The following GIMAP4 variants were observed in gnomAD, a reference collection of about 807,000 sequenced individuals.
The protein encoded by GIMAP4 is GTPase, IMAP family member 4.
A neutral mutation model predicts 10.8 loss-of-function variants in GIMAP4; 12 were observed. That is an observed-to-expected ratio of 1.11 (90% CI 0.71 to 1.81). GIMAP4 has a LOEUF of 1.81. GIMAP4 is among the 40% of genes most tolerant of loss of function. The probability of loss-of-function intolerance (pLI) is 0.00; values close to 1 mark genes in which losing one functional copy is unlikely to be tolerated. For synonymous variants in GIMAP4, 149 were observed against 147.2 expected (o/e 1.01, Z -0.09); for missense variants, 412 against 404.6 (o/e 1.02, Z -0.16).
rs1435404691 is a variant in GIMAP4 at position 150,573,331 on chromosome 7, GA to G, written c.*272del. The G allele has an allele frequency of 6.3e-6, 2 of 316,938 alleles. No homozygotes were observed. The highest frequency in any genetic ancestry group is 4.3e-5 in the African/African-American group (2 of 46,186). 19.6% of individuals were successfully genotyped at this position (316,938 alleles called of 1,614,324 possible). ...GAAAATGTATGCAAGAGACCAAAAA[GA>G]TGGCTCCAAGCTATGTCATGTTACC... On this transcript the variant is annotated 3_prime_UTR_variant, in exon 3 of 3. Coordinates refer to ENST00000255945, the MANE Select transcript of GIMAP4 (RefSeq NM_018326.3).
Position 150,570,369 on chromosome 7 carries a change from C to T in GIMAP4, c.58+410C>T, listed in dbSNP as rs201073442. On this transcript the variant is annotated intron_variant, in intron 2 of 2. Transcript: ENST00000255945. Reference sequence around the variant, plus strand: ...GAGGAATGTGGGAGTAATTGTCCCTCACCCTGGTATCTAATTTCCCAGCTC... The same window carrying T: ...GAGGAATGTGGGAGTAATTGTCCCTTACCCTGGTATCTAATTTCCCAGCTC... 4.7e-4 allele frequency among the ~76,000 whole-genome samples: 72 copies of T among 152,270 alleles called. No individual in the cohort carries two copies. The East Asian group carries it at 0.012, about 24-fold the overall frequency.
rs1795764125 is a variant in GIMAP4 at position 150,573,556 on chromosome 7, G to A, written c.*496G>A. The stretch of plus-strand genomic sequence containing the variant: ...ATTGTAGAATTATTCCTAGATGAGT[G>A]TCAATTTATTTAATTCCATTGTCAT... On this transcript the variant is annotated 3_prime_UTR_variant, in exon 3 of 3. Transcript: ENST00000255945. The A allele has an allele frequency of 6.5e-6, 1 of 152,812 alleles. No homozygotes were observed. Among genetic ancestry groups the A allele is most frequent in the Non-Finnish European group, 1.5e-5 (1 of 68,536 alleles). 9.5% of individuals were successfully genotyped at this position (152,812 alleles called of 1,614,324 possible).
chr7:150,572,175 A>G lies in GIMAP4; in HGVS notation c.105A>G (p.Leu35=). 6.2e-7 allele frequency: 1 copy of G among 1,613,880 alleles called. No individual in the cohort carries two copies. Among genetic ancestry groups the G allele is most frequent in the East Asian group, 2.2e-5 (1 of 44,874 alleles). ...EPRNSQLRIV[L]VGKTGAGKSA... Reference sequence around the variant, plus strand: ...GAAATTCCCAATTGAGAATTGTGTTAGTGGGTAAAACCGGAGCAGGAAAAA... The same window carrying G: ...GAAATTCCCAATTGAGAATTGTGTTGGTGGGTAAAACCGGAGCAGGAAAAA... The change falls in exon 3 of 3, where the codon TTA becomes TTG. Residue 35 remains leucine, a synonymous_variant. Coordinates refer to ENST00000255945, the MANE Select transcript of GIMAP4 (RefSeq NM_018326.3).
chr7:150,571,503 G>A (rs796302139), intron 2 of GIMAP4, among the ~76,000 whole-genome samples: 2 of 152,174 alleles, frequency 1.3e-5, no homozygotes, highest in African/African-American at 2.4e-5. Flanking sequence ...ACAGCTGGCC[G>A]GGTGCAGTGG....
At chr7:150,569,481 G>T (rs1425072900) in intron 1 of GIMAP4, among the ~76,000 whole-genome samples, 3 of 152,132 alleles carry the variant, frequency 2.0e-5, no homozygotes, top group Admixed American at 2.0e-4. Flanking sequence ...CTTAATTTCG[G>T]CCAGGTTCTG....
rs1795754111 is a variant in GIMAP4, at chr7:150,572,948, G to C, written c.878G>C (p.Arg293Thr). The stretch of plus-strand genomic sequence containing the variant: ...GAACAGGAGGCTCACTATGCTGTAA[G>C]GCAGCAAAGGGCAAGAACGGAAGTG... Reference protein sequence around the residue: ...LAEQEAHYAVRQQRARTEVES... With the variant: ...LAEQEAHYAVTQQRARTEVES... Residue 293 changes from arginine to threonine, a missense_variant, in exon 3 of 3, where the codon AGG becomes ACG. Transcript: ENST00000255945. 6.2e-7 allele frequency: 1 copy of C among 1,613,380 alleles called. No homozygotes were observed. The highest frequency in any genetic ancestry group is 8.5e-7 in the Non-Finnish European group (1 of 1,179,396).
rs776586372 is a variant in GIMAP4, at chr7:150,572,844, G to T, written c.774G>T (p.Glu258Asp). ...GAGAGAAAGCGCGGATAAGAGAGGAGTATGAAGAGAAAATCAGAAAGCTGG... is the reference window on the plus strand; with the variant it reads ...GAGAGAAAGCGCGGATAAGAGAGGATTATGAAGAGAAAATCAGAAAGCTGG... The part of the protein sequence containing the change: ...LEREKARIRE[E>D]YEEKIRKLED... The change falls in exon 3 of 3, where the codon GAG becomes GAT. Residue 258 changes from glutamate (E) to aspartate (D), a missense_variant. Physicochemically the swap from Glu to Asp is conservative, Grantham distance 45 (BLOSUM62 2). Transcript: ENST00000255945. The T allele has an allele frequency of 6.8e-6, 11 of 1,613,532 alleles. No homozygotes were observed. Among genetic ancestry groups the T allele is most frequent in the Non-Finnish European group, 9.3e-6 (11 of 1,179,776 alleles).
In GIMAP4 at chr7:150,572,815, G is replaced by A; in HGVS notation, c.745G>A (p.Glu249Lys). Residue 249 changes from glutamate to lysine, a missense_variant, in exon 3 of 3, where the codon GAG becomes AAG. Physicochemically the swap from Glu to Lys is moderately conservative, Grantham distance 56 (BLOSUM62 1). Transcript: ENST00000255945. ...GCAAGAACTCCACAGAGTGGAGCTGGAGAGAGAGAAAGCGCGGATAAGAGA... is the reference window on the plus strand; with the variant it reads ...GCAAGAACTCCACAGAGTGGAGCTGAAGAGAGAGAAAGCGCGGATAAGAGA... ...AMQELHRVEL[E>K]REKARIREEY... 1 of 1,613,908 alleles carries A rather than the reference G, an allele frequency of 6.2e-7. No individual in the cohort carries two copies.
intron 2 of GIMAP4, among the ~76,000 whole-genome samples, chr7:150,571,250 T>C (rs1329203891): frequency 6.6e-6 from 1 of 152,224 alleles, no homozygotes; most frequent in Non-Finnish European, 1.5e-5. Context: ...AGCCTTCCTG[T>C]ATCCAGTGTT....
rs1795750232 is a variant in GIMAP4, at chr7:150,572,734, A to G, written c.664A>G (p.Thr222Ala). The change falls in exon 3 of 3, where the codon ACT becomes GCT. Residue 222 changes from threonine (T) to alanine (A), a missense_variant. By Grantham distance (58) the Thr-to-Ala change is moderately conservative. Coordinates refer to ENST00000255945, the MANE Select transcript of GIMAP4 (RefSeq NM_018326.3). ...GAGGGAGAACAAGGAAGGCTGCTAC[A>G]CTAATAGGATGTACCAAAGGGCGGA... ...VVRENKEGCY[T>A]NRMYQRAEEE... The G allele has an allele frequency of 6.2e-7, 1 of 1,614,238 alleles. No individual in the cohort carries two copies.
chr7:150,572,714 A>T lies in GIMAP4; in HGVS notation c.644A>T (p.Glu215Val), dbSNP rs781431922. 1 of 1,614,232 alleles carries T rather than the reference A, an allele frequency of 6.2e-7. No individual in the cohort carries two copies. Among genetic ancestry groups the T allele is most frequent in the Middle Eastern group, 1.6e-4 (1 of 6,062 alleles). The part of the protein sequence containing the change: ...LLGLIQRVVR[E>V]NKEGCYTNRM... ...GGCCTGATCCAGCGCGTGGTGAGGGAGAACAAGGAAGGCTGCTACACTAAT... is the reference window on the plus strand; with the variant it reads ...GGCCTGATCCAGCGCGTGGTGAGGGTGAACAAGGAAGGCTGCTACACTAAT... Residue 215 changes from glutamate (E) to valine (V), a missense_variant, in exon 3 of 3, where the codon GAG (glutamate) becomes GTG (valine). By Grantham distance (121) the Glu-to-Val change is moderately radical. Transcript: ENST00000255945.
intron 2 of GIMAP4, 58 bp downstream of exon 2, chr7:150,570,017 T>C: frequency 3.9e-6 from 1 of 256,606 alleles, no homozygotes. Context: ...CAGGTGGGGG[T>C]GGGGGATTTG....
intron 1 of GIMAP4, among the ~76,000 whole-genome samples, chr7:150,568,303 C>T (rs189126931): frequency 2.0e-5 from 3 of 152,226 alleles, no homozygotes; most frequent in Admixed American, 2.0e-4. Context: ...CTCTTGTTTA[C>T]AAGAAGCTGT....
chr7:150,572,139 G>A lies in GIMAP4; in HGVS notation c.69G>A (p.Arg23=), dbSNP rs754065054. Residue 23 remains arginine, a synonymous_variant, in exon 3 of 3, where the codon AGG becomes AGA. Coordinates refer to ENST00000255945, the MANE Select transcript of GIMAP4 (RefSeq NM_018326.3). ...STPGASYGPG[R]QEPRNSQLRI... ...TTCTTGATGTCCCAGGGCCTGGAAGGCAAGAGCCCAGAAATTCCCAATTGA... is the reference window on the plus strand; with the variant it reads ...TTCTTGATGTCCCAGGGCCTGGAAGACAAGAGCCCAGAAATTCCCAATTGA... 6.2e-7 allele frequency: 1 copy of A among 1,609,882 alleles called. No individual in the cohort carries two copies. Among genetic ancestry groups the A allele is most frequent in the Non-Finnish European group, 8.5e-7 (1 of 1,176,578 alleles).
At chr7:150,570,006 G>A in intron 2 of GIMAP4, 47 bp downstream of exon 2, 1 of 909,736 alleles carries the variant, frequency 1.1e-6, no homozygotes, top group South Asian at 1.3e-5. Flanking sequence ...AGGGAGGTTA[G>A]CAGGTGGGGG....
chr7:150,572,439 G>T lies in GIMAP4; in HGVS notation c.369G>T (p.Leu123=), dbSNP rs768860924. The T allele has an allele frequency of 1.2e-6, 2 of 1,614,126 alleles. No individual in the cohort carries two copies. The highest frequency in any genetic ancestry group is 1.7e-6 in the Non-Finnish European group (2 of 1,179,970). Residue 123 remains leucine, a synonymous_variant, in exon 3 of 3, where the codon CTG becomes CTT. Coordinates refer to ENST00000255945, the MANE Select transcript of GIMAP4 (RefSeq NM_018326.3). The part of the protein sequence containing the change: ...GPHALLLVVP[L]GRYTEEEHKA... ...ATGCTCTGCTTCTGGTGGTTCCACT[G>T]GGCCGTTACACTGAGGAAGAGCACA...
intron 1 of GIMAP4, 37 bp from the exon 2 acceptor site, chr7:150,569,851 T>C: frequency 2.1e-6 from 2 of 954,946 alleles, no homozygotes; most frequent in Admixed American, 1.7e-5. Context: ...TGCTTCCATT[T>C]CCCTAAAATG....
At chr7:150,570,101 C>A in intron 2 of GIMAP4, 142 bp downstream of exon 2, 1 of 658,410 alleles carries the variant, frequency 1.5e-6, no homozygotes, top group Non-Finnish European at 2.7e-6. Context: ...TATTTCCAAC[C>A]TCTTTTCTCA....
At position 150,573,306 on chromosome 7, in the gene GIMAP4, G is replaced by A. The variant is rs566256780; in HGVS notation, c.*246G>A. The A allele has an allele frequency of 7.6e-6, 3 of 392,842 alleles. No homozygotes were observed. Among genetic ancestry groups the A allele is most frequent in the African/African-American group, 6.2e-5 (3 of 48,568 alleles). 24.3% of individuals were successfully genotyped at this position (392,842 alleles called of 1,614,324 possible). ...GTGAATTCTTCCTTAGACATGCAGA[G>A]AAAATGTATGCAAGAGACCAAAAAG... On this transcript the variant is annotated 3_prime_UTR_variant, in exon 3 of 3. Coordinates refer to ENST00000255945, the MANE Select transcript of GIMAP4 (RefSeq NM_018326.3).
Sources: gnomAD v4.1 joint callset for allele counts (sites outside exome capture counted in the v4.1 genomes callset) on GRCh38, gnomAD v4.1.1 for gene constraint, MANE v1.5 for transcripts, NCBI Gene and HGNC (gene_info 2026-07-23, HGNC 2026-07-21) for gene names.